The following BCR variants were observed in gnomAD, a reference collection of about 807,000 sequenced individuals.
BCR encodes the protein breakpoint cluster region protein.
A neutral mutation model predicts 138.6 loss-of-function variants in BCR; 58 were observed. The observed-to-expected ratio is 0.42, with a 90% CI of 0.34 to 0.52. The LOEUF is 0.52. BCR is among the 20% of genes least tolerant of loss of function. The probability of loss-of-function intolerance (pLI) is 0.06; values close to 1 mark genes in which losing one functional copy is unlikely to be tolerated. For missense variants in BCR, 1,599 were observed against 1,727.2 expected (o/e 0.93, Z 1.32); for synonymous variants, 786 against 730.1 (o/e 1.08, Z -1.23).
chr22:23,292,553 C>T lies in BCR; in HGVS notation c.2795C>T (p.Thr932Ile). 6.2e-7 allele frequency: 1 copy of T among 1,613,270 alleles called. No homozygotes were observed. Among genetic ancestry groups the T allele is most frequent in the South Asian group, 1.1e-5 (1 of 91,032 alleles). The change falls in exon 15 of 23, where the codon ACC (threonine) becomes ATC (isoleucine). Residue 932 changes from threonine to isoleucine, a missense_variant. Around this residue, in one of 4 missense-constraint regions of BCR, gnomAD observed 590 missense variants for 762.4 expected, o/e 0.77. Coordinates refer to ENST00000305877, the MANE Select transcript of BCR (RefSeq NM_004327.4). Reference sequence around the variant, plus strand: ...CTTCTCCCCACAGATCTGTACTGCACCCTGGAGGTGGATTCCTTTGGGTAT... The same window carrying T: ...CTTCTCCCCACAGATCTGTACTGCATCCTGGAGGTGGATTCCTTTGGGTAT... ...GFKQSSNLYC[T>I]LEVDSFGYFV...
intron 8 of BCR, among the ~76,000 whole-genome samples, chr22:23,278,336 C>G (rs1973586599): frequency 6.6e-6 from 1 of 152,196 alleles, no homozygotes; most frequent in Admixed American, 6.5e-5. Context: ...TGCAGGAAGG[C>G]CCTGGAGGAG....
chr22:23,272,137 C>T (rs564532489), intron 6 of BCR, among the ~76,000 whole-genome samples: 2 of 152,226 alleles, frequency 1.3e-5, no homozygotes, highest in African/African-American at 4.8e-5. Flanking sequence ...ATTTTATTTT[C>T]TGTTTTTGCC....
chr22:23,245,315 G>T (rs949944297), intron 1 of BCR, among the ~76,000 whole-genome samples: 11 of 152,170 alleles, frequency 7.2e-5, no homozygotes, highest in Non-Finnish European at 1.6e-4. Context: ...GCCTTGGCTA[G>T]CCTGGTGGCT....
chr22:23,213,972 C>G (rs537668372), intron 1 of BCR, among the ~76,000 whole-genome samples: 2 of 152,146 alleles, frequency 1.3e-5, no homozygotes, highest in East Asian at 3.9e-4. Flanking sequence ...GGGTAAAATA[C>G]AGTAAGTTTC....
chr22:23,269,673 T>C (rs539345323), intron 5 of BCR, among the ~76,000 whole-genome samples: 14 of 152,260 alleles, frequency 9.2e-5, no homozygotes, highest in Admixed American at 2.0e-4. Context: ...GGGCTCCAGC[T>C]CCCTCCCCAC....
rs546640768 is a variant in BCR at position 23,289,693 on chromosome 22, C to G, written c.2707+72C>G. The G allele has an allele frequency of 7.6e-6, 10 of 1,321,070 alleles. No individual in the cohort carries two copies. The East Asian group carries it at 9.3e-5, about 12-fold the overall frequency. The allele number at this position is 1,321,070 out of a possible 1,614,324, so 81.8% of individuals were successfully genotyped here. On this transcript the variant is annotated intron_variant, in intron 13 of 22. Coordinates refer to ENST00000305877, the MANE Select transcript of BCR (RefSeq NM_004327.4). Reference sequence around the variant, plus strand: ...GCAGCTAGCCTGAAGGCTGATCCCCCCTTCCTGTTAGCACTTTTGATGGGA... The same window carrying G: ...GCAGCTAGCCTGAAGGCTGATCCCCGCTTCCTGTTAGCACTTTTGATGGGA...
At chr22:23,263,211 C>T in intron 4 of BCR, 2 of 944,352 alleles carry the variant, frequency 2.1e-6, no homozygotes, top group Non-Finnish European at 3.1e-6. Flanking sequence ...GGGGCCAGCG[C>T]TCTGGCGCCT....
intron 1 of BCR, among the ~76,000 whole-genome samples, chr22:23,240,599 C>T (rs1430311573): frequency 1.3e-5 from 2 of 150,930 alleles, no homozygotes; most frequent in South Asian, 2.1e-4. Flanking sequence ...TGCAGTGAGC[C>T]GAGATAGTGC....
intron 1 of BCR, among the ~76,000 whole-genome samples, chr22:23,200,822 A>C (rs1230883875): frequency 1.3e-5 from 2 of 151,922 alleles, no homozygotes; most frequent in Non-Finnish European, 2.9e-5. Context: ...GGCCTCCCAA[A>C]GTGCTGGGAC....
intron 1 of BCR, among the ~76,000 whole-genome samples, chr22:23,245,062 T>G (rs2146259151): frequency 6.6e-6 from 1 of 152,276 alleles, no homozygotes; most frequent in East Asian, 1.9e-4. Flanking sequence ...GGCTGACTAG[T>G]GCCCCCAGAA....
Position 23,235,278 on chromosome 22 carries a change from C to T in BCR, c.1280-18521C>T, listed in dbSNP as rs1278125325. 1.4e-5 allele frequency among the ~76,000 whole-genome samples: 2 copies of T among 143,946 alleles called. 1 individual carries two copies. The highest frequency in any genetic ancestry group is 1.4e-4 in the Admixed American group (2 of 14,298). 94.4% of individuals were successfully genotyped at this position (143,946 alleles called of 152,430 possible). A position where few individuals can be genotyped will look rare whatever the true frequency, so the allele number is the denominator to read the frequency against. On this transcript the variant is annotated intron_variant, in intron 1 of 22. Coordinates refer to ENST00000305877, the MANE Select transcript of BCR (RefSeq NM_004327.4). Reference sequence around the variant, plus strand: ...TATTTTTAGTAGAGACGGGGTTTCACCATGCTGGCCAGACTGGTCTCGAAC... The same window carrying T: ...TATTTTTAGTAGAGACGGGGTTTCATCATGCTGGCCAGACTGGTCTCGAAC...
In BCR at chr22:23,312,829, G is replaced by A. The variant is rs185757752; in HGVS notation, c.3323-58G>A. 18 of 1,591,658 alleles carry A rather than the reference G, an allele frequency of 1.1e-5. No individual in the cohort carries two copies. In the African/African-American group the frequency reaches 2.0e-4, roughly 18 times the overall value. ...ACAGTGCTTTAGCCAAGGCAGGGATGGTGGGAGACTCACTCGGGATCCTCA... is the reference window on the plus strand; with the variant it reads ...ACAGTGCTTTAGCCAAGGCAGGGATAGTGGGAGACTCACTCGGGATCCTCA... On this transcript the variant is annotated intron_variant, in intron 19 of 22. Coordinates refer to ENST00000305877, the MANE Select transcript of BCR (RefSeq NM_004327.4).
intron 1 of BCR, among the ~76,000 whole-genome samples, chr22:23,237,468 C>T (rs1478680837): frequency 6.6e-6 from 1 of 152,220 alleles, no homozygotes; most frequent in Non-Finnish European, 1.5e-5. Context: ...GTAATTCCCA[C>T]ATGACAGTTT....
At chr22:23,235,420 G>T (rs188657422) in intron 1 of BCR, among the ~76,000 whole-genome samples, 2 of 144,750 alleles carry the variant, frequency 1.4e-5, no homozygotes, top group African/African-American at 4.9e-5. Context: ...CTGTGCTGTT[G>T]CCCTGCCCTC....
intron 1 of BCR, among the ~76,000 whole-genome samples, chr22:23,207,993 C>T (rs1051846939): frequency 2.0e-5 from 3 of 152,216 alleles, no homozygotes; most frequent in African/African-American, 7.2e-5. Flanking sequence ...CTGGCTGAGG[C>T]AGGTGTGCCC....
At chr22:23,188,446 G>A (rs2072374548) in intron 1 of BCR, among the ~76,000 whole-genome samples, 1 of 152,148 alleles carries the variant, frequency 6.6e-6, no homozygotes. Flanking sequence ...TGGCTGGGAG[G>A]GCTTGTGTTT....
At chr22:23,264,435 A>T (rs1369302013) in intron 4 of BCR, 1 of 691,376 alleles carries the variant, frequency 1.4e-6, no homozygotes, top group East Asian at 2.5e-5. Context: ...GGGTGCAGTG[A>T]TAGTTCCTCC....
intron 1 of BCR, among the ~76,000 whole-genome samples, chr22:23,189,491 C>CT (rs1393196512): frequency 2.6e-5 from 4 of 151,860 alleles, no homozygotes; most frequent in Non-Finnish European, 5.9e-5. Flanking sequence ...TCAGTCTTTT[C>CT]TTTTTTTTCT....
rs756116107 is a variant in BCR, at chr22:23,180,996, G to A, written c.36G>A (p.Lys12=). The A allele has an allele frequency of 7.5e-6, 11 of 1,456,974 alleles. No individual in the cohort carries two copies. The South Asian group carries it at 9.8e-5, about 13-fold the overall frequency. The allele number at this position is 1,456,974 out of a possible 1,614,324, so 90.3% of individuals were successfully genotyped here. ...CGGTGGGCTTCGCGGAGGCGTGGAA[G>A]GCGCAGTTCCCGGACTCAGAGCCCC... ...VDPVGFAEAW[K]AQFPDSEPPR... The change falls in exon 1 of 23, where the codon AAG becomes AAA. Residue 12 remains lysine (K), a synonymous_variant. Transcript: ENST00000305877.
Sources: gnomAD v4.1 joint callset for allele counts (sites outside exome capture counted in the v4.1 genomes callset) on GRCh38, gnomAD v4.1.1 for gene constraint, gnomAD v4.1.1 regional missense constraint, MANE v1.5 for transcripts, NCBI Gene and HGNC (gene_info 2026-07-23, HGNC 2026-07-21) for gene names.